MKLN1: variants seen among roughly 807,000 people sequenced by gnomAD.
The protein encoded by MKLN1 is muskelin 1.
Under a neutral mutation model 99.0 loss-of-function variants are expected in MKLN1, and 18 were observed. The observed-to-expected ratio is 0.18, with a 90% CI of 0.13 to 0.27. The LOEUF (loss-of-function observed/expected upper bound fraction) is 0.27. Ranked by LOEUF, MKLN1 falls within the 10% of genes least tolerant of loss-of-function variation. The pLI is 1.00. For synonymous variants in MKLN1, 288 were observed against 293.2 expected (o/e 0.98, Z 0.18); for missense variants, 621 against 875.9 (o/e 0.71, Z 3.67).
At chr7:131,295,592 A>G (rs1798278924) in intron 3 of MKLN1, among the ~76,000 whole-genome samples, 1 of 152,174 alleles carries the variant, frequency 6.6e-6, no homozygotes, top group Non-Finnish European at 1.5e-5. Flanking sequence ...TCATACAAAT[A>G]GAGTGGCAAA....
chr7:131,360,225 G>GT (rs970142070), intron 1 of MKLN1, among the ~76,000 whole-genome samples: 42 of 151,756 alleles, frequency 2.8e-4, no homozygotes, highest in African/African-American at 8.7e-4. Flanking sequence ...TTTGGACTTT[G>GT]TTTTTTTTAT....
intron 1 of MKLN1, among the ~76,000 whole-genome samples, chr7:131,346,302 C>T (rs1201407497): frequency 1.3e-5 from 2 of 152,114 alleles, no homozygotes; most frequent in African/African-American, 2.4e-5. Flanking sequence ...GCAGGTGGAT[C>T]ACTTGAGGCT....
intron 3 of MKLN1, among the ~76,000 whole-genome samples, chr7:131,316,931 A>G (rs886121057): frequency 6.6e-6 from 1 of 152,226 alleles, no homozygotes; most frequent in East Asian, 1.9e-4. Flanking sequence ...AGGAATGAAC[A>G]AAGCCTCCAA....
At chr7:131,182,144 C>A (rs1232036830) in intron 2 of MKLN1, among the ~76,000 whole-genome samples, 1 of 151,888 alleles carries the variant, frequency 6.6e-6, no homozygotes, top group Non-Finnish European at 1.5e-5. Context: ...CAAAAAAAAA[C>A]CCATCATAAA....
At chr7:131,422,391 AT>A (rs910414374) in intron 8 of MKLN1, among the ~76,000 whole-genome samples, 1 of 151,870 alleles carries the variant, frequency 6.6e-6, no homozygotes, top group Non-Finnish European at 1.5e-5. Context: ...TCTGCAAAAT[AT>A]TTTTTTTAGT....
chr7:131,436,916 T>C (rs1243963646), intron 9 of MKLN1, among the ~76,000 whole-genome samples: 2 of 152,172 alleles, frequency 1.3e-5, no homozygotes, highest in Admixed American at 6.5e-5. Context: ...GGAAAATTAA[T>C]TTTGCAATGT....
intron 1 of MKLN1, among the ~76,000 whole-genome samples, chr7:131,111,665 A>C (rs1384509802): frequency 2.6e-5 from 4 of 152,214 alleles, no homozygotes; most frequent in Admixed American, 2.6e-4. Context: ...AGAAAAAAAA[A>C]ACATCATCTT....
chr7:131,361,454 A>G (rs567288726), intron 1 of MKLN1, among the ~76,000 whole-genome samples: 2 of 151,908 alleles, frequency 1.3e-5, no homozygotes, highest in South Asian at 4.1e-4. Context: ...TAAAATGTTA[A>G]TTGTAGTTAT....
chr7:131,406,010 A>G (rs1464832957), intron 6 of MKLN1, among the ~76,000 whole-genome samples: 1 of 152,104 alleles, frequency 6.6e-6, no homozygotes, highest in Non-Finnish European at 1.5e-5. Context: ...AAAGATGTTA[A>G]CACTTTCCAC....
At chr7:131,432,543 G>A (rs1276830832) in intron 9 of MKLN1, among the ~76,000 whole-genome samples, 1 of 152,122 alleles carries the variant, frequency 6.6e-6, no homozygotes, top group Non-Finnish European at 1.5e-5. Flanking sequence ...CGCCTCCCGG[G>A]TTCAAGCAAT....
intron 10 of MKLN1, among the ~76,000 whole-genome samples, chr7:131,442,638 G>C (rs1795873536): frequency 6.6e-6 from 1 of 152,154 alleles, no homozygotes; most frequent in Non-Finnish European, 1.5e-5. Flanking sequence ...AACATCAAAT[G>C]GTTGGGTTTT....
Position 131,452,544 on chromosome 7 carries a change from C to CTTTTTT in MKLN1, c.1525+6661_1525+6666dup, listed in dbSNP as rs1159344518. Among the ~76,000 whole-genome samples the CTTTTTT allele has an allele frequency of 3.0e-3, 208 of 70,350 alleles. 2 individuals carry two copies. Among genetic ancestry groups the CTTTTTT allele is most frequent in the East Asian group, 4.7e-3 (12 of 2,578 alleles). 46.2% of individuals were successfully genotyped at this position (70,350 alleles called of 152,430 possible). On this transcript the variant is annotated intron_variant, in intron 12 of 17. Coordinates refer to ENST00000352689, the MANE Select transcript of MKLN1 (RefSeq NM_013255.5). ...TCTTTATGTTTCTGATCCTTTTATA[C>CTTTTTT]TTTTTTTTTTTTTTTTTTTTTTTTT...
intron 3 of MKLN1, among the ~76,000 whole-genome samples, chr7:131,279,623 CA>C (rs1467223683): frequency 1.3e-5 from 2 of 152,002 alleles, no homozygotes; most frequent in Non-Finnish European, 2.9e-5. Context: ...GCCTGGGCAA[CA>C]AAGAGAAACC....
intron 3 of MKLN1, among the ~76,000 whole-genome samples, chr7:131,253,309 G>A (rs1376641948): frequency 1.3e-5 from 2 of 151,956 alleles, no homozygotes; most frequent in Non-Finnish European, 2.9e-5. Context: ...TCTCCTCCCA[G>A]ATACCAGTCA....
At chr7:131,130,080 G>A (rs1795527116) in intron 1 of MKLN1, among the ~76,000 whole-genome samples, 1 of 152,170 alleles carries the variant, frequency 6.6e-6, no homozygotes, top group African/African-American at 2.4e-5. Context: ...GGGAGCCAAG[G>A]TGAATGATGA....
At chr7:131,154,630 CTATAT>C (rs1290533255) in intron 2 of MKLN1, among the ~76,000 whole-genome samples, 1 of 151,962 alleles carries the variant, frequency 6.6e-6, no homozygotes, top group Non-Finnish European at 1.5e-5. Flanking sequence ...CTCTTGTTAT[CTATAT>C]TATGATATGA....
At chr7:131,354,206 T>C (rs930837130) in intron 1 of MKLN1, among the ~76,000 whole-genome samples, 3 of 152,064 alleles carry the variant, frequency 2.0e-5, no homozygotes, top group African/African-American at 7.2e-5. Context: ...AATTTGTAGG[T>C]CATTTTGGGA....
intron 3 of MKLN1, among the ~76,000 whole-genome samples, chr7:131,243,911 A>G (rs1169319390): frequency 6.6e-6 from 1 of 152,058 alleles, no homozygotes; most frequent in Non-Finnish European, 1.5e-5. Context: ...GCTACTCAGG[A>G]GGCTGAGGCA....
intron 1 of MKLN1, among the ~76,000 whole-genome samples, chr7:131,115,749 A>G (rs1235642001): frequency 6.6e-6 from 1 of 152,112 alleles, no homozygotes; most frequent in Non-Finnish European, 1.5e-5. Flanking sequence ...CTCTTGTATT[A>G]TAGGATTTAC....
Sources: gnomAD v4.1 joint callset for allele counts (sites outside exome capture counted in the v4.1 genomes callset) on GRCh38, gnomAD v4.1.1 for gene constraint, MANE v1.5 for transcripts, NCBI Gene and HGNC (gene_info 2026-07-23, HGNC 2026-07-21) for gene names.